CDKAL1: variants seen among roughly 807,000 people sequenced by gnomAD.
CDKAL1 encodes the protein CDKAL1 threonylcarbamoyladenosine tRNA methylthiotransferase.
A neutral mutation model predicts 68.2 loss-of-function variants in CDKAL1; 32 were observed. The ratio of observed to expected loss-of-function variants is 0.47; its 90% confidence interval spans 0.35 to 0.63. The LOEUF (loss-of-function observed/expected upper bound fraction) is 0.63, where lower values mean the gene tolerates loss of function less well. Among genes scored for constraint, CDKAL1 ranks in the 30% least tolerant of loss-of-function variants. CDKAL1 has a pLI of 0.00. For missense variants in CDKAL1, 606 were observed against 696.7 expected (o/e 0.87, Z 1.47); for synonymous variants, 234 against 244.3 (o/e 0.96, Z 0.39).
chr6:20,807,863 A>G (rs561911464), intron 8 of CDKAL1, among the ~76,000 whole-genome samples: 1 of 152,350 alleles, frequency 6.6e-6, no homozygotes, highest in South Asian at 2.1e-4. Flanking sequence ...TTGGACTTCA[A>G]TAAAGAGCAA....
chr6:20,735,570 G>T (rs545663308), intron 5 of CDKAL1, among the ~76,000 whole-genome samples: 5 of 152,326 alleles, frequency 3.3e-5, no homozygotes, highest in Admixed American at 6.5e-5. Flanking sequence ...TTCAAGATGA[G>T]ATTTGGGTGG....
At chr6:20,636,312 T>C (rs58042317) in intron 4 of CDKAL1, among the ~76,000 whole-genome samples, 2,540 of 152,258 alleles carry the variant, frequency 0.017, 50 homozygotes, top group African/African-American at 0.055. Context: ...CCATTCCCTG[T>C]TTGGAGTCTT....
intron 6 of CDKAL1, among the ~76,000 whole-genome samples, chr6:20,754,464 T>A (rs1774081190): frequency 6.6e-6 from 1 of 152,236 alleles, no homozygotes; most frequent in African/African-American, 2.4e-5. Flanking sequence ...ATATTTTCAT[T>A]TTCTCATACT....
At chr6:20,689,060 T>C (rs771746360) in intron 5 of CDKAL1, among the ~76,000 whole-genome samples, 6 of 152,338 alleles carry the variant, frequency 3.9e-5, no homozygotes, top group Middle Eastern at 3.4e-3. Flanking sequence ...TCATTTAGGC[T>C]CTGGTGACAC....
chr6:20,789,640 A>C (rs541373157), intron 8 of CDKAL1, among the ~76,000 whole-genome samples: 22 of 152,354 alleles, frequency 1.4e-4, no homozygotes, highest in Admixed American at 1.3e-3. Flanking sequence ...CATCTTGCTT[A>C]TCCGATTTCT....
At chr6:20,741,101 A>G (rs1460270450) in intron 6 of CDKAL1, among the ~76,000 whole-genome samples, 2 of 152,062 alleles carry the variant, frequency 1.3e-5, no homozygotes, top group Admixed American at 6.6e-5. Flanking sequence ...TTAAAATGCC[A>G]TTGTGTGCCG....
intron 12 of CDKAL1, among the ~76,000 whole-genome samples, chr6:21,099,906 G>A (rs1485862245): frequency 6.6e-6 from 1 of 152,230 alleles, no homozygotes; most frequent in Non-Finnish European, 1.5e-5. Flanking sequence ...TTATGTGCTA[G>A]CCTTGCCTTT....
chr6:20,928,144 G>A (rs114292228), intron 9 of CDKAL1, among the ~76,000 whole-genome samples: 1,668 of 152,232 alleles, frequency 0.011, 24 homozygotes, highest in African/African-American at 0.037. Flanking sequence ...CCAATCAATA[G>A]TAACCATCCT....
chr6:21,069,159 T>G (rs187775645), intron 12 of CDKAL1, among the ~76,000 whole-genome samples: 230 of 152,334 alleles, frequency 1.5e-3, no homozygotes, highest in Non-Finnish European at 2.6e-3. Context: ...TGACTTTTAT[T>G]TCCTTTTCTT....
chr6:21,021,336 A>C (rs781489359), intron 11 of CDKAL1, among the ~76,000 whole-genome samples: 2 of 152,180 alleles, frequency 1.3e-5, no homozygotes, highest in Non-Finnish European at 2.9e-5. Context: ...TCCTTAAATG[A>C]TTGCTGCTAC....
intron 11 of CDKAL1, among the ~76,000 whole-genome samples, chr6:21,051,414 T>C (rs138872525): frequency 1.3e-5 from 2 of 152,172 alleles, no homozygotes; most frequent in African/African-American, 4.8e-5. Context: ...CGTGAACTTA[T>C]GATCAGCCAG....
At chr6:20,758,139 T>C (rs1318924871) in intron 6 of CDKAL1, among the ~76,000 whole-genome samples, 1 of 152,212 alleles carries the variant, frequency 6.6e-6, no homozygotes, top group African/African-American at 2.4e-5. Flanking sequence ...TGGTAGAAAT[T>C]CATCAAAAGG....
At chr6:20,636,361 T>G (rs1437995429) in intron 4 of CDKAL1, among the ~76,000 whole-genome samples, 1 of 152,104 alleles carries the variant, frequency 6.6e-6, no homozygotes, top group African/African-American at 2.4e-5. Flanking sequence ...TCTCTGTTAA[T>G]TTGTATCTGT....
chr6:20,959,530 A>G (rs1764947832), intron 10 of CDKAL1, among the ~76,000 whole-genome samples: 1 of 151,708 alleles, frequency 6.6e-6, no homozygotes, highest in South Asian at 2.1e-4. Context: ...TAGTGCCCTA[A>G]TGATATCTCC....
At chr6:20,665,453 A>T (rs1185014918) in intron 5 of CDKAL1, among the ~76,000 whole-genome samples, 2 of 152,166 alleles carry the variant, frequency 1.3e-5, no homozygotes, top group African/African-American at 4.8e-5. Context: ...AGAGTAATGA[A>T]TGCAGTCTGA....
chr6:20,534,845 C>T (rs1212381268), intron 1 of CDKAL1, among the ~76,000 whole-genome samples: 1 of 152,170 alleles, frequency 6.6e-6, no homozygotes, highest in Non-Finnish European at 1.5e-5. Context: ...CATTTGTTCT[C>T]CCACTTTATA....
intron 5 of CDKAL1, among the ~76,000 whole-genome samples, chr6:20,674,066 A>G (rs1177158786): frequency 3.3e-5 from 5 of 152,106 alleles, no homozygotes; most frequent in Admixed American, 6.5e-5. Context: ...TATAAAGGCT[A>G]TTATTCCTAT....
intron 15 of CDKAL1, among the ~76,000 whole-genome samples, chr6:21,204,367 T>C (rs1385762460): frequency 6.6e-6 from 1 of 152,216 alleles, no homozygotes; most frequent in Non-Finnish European, 1.5e-5. Flanking sequence ...CAACCCTGAT[T>C]ATTTTGAAGA....
chr6:20,571,117 G>A lies in CDKAL1; in HGVS notation c.286+22412G>A, dbSNP rs113062153. On this transcript the variant is annotated intron_variant, in intron 4 of 15. Coordinates refer to ENST00000274695, the MANE Select transcript of CDKAL1 (RefSeq NM_017774.3). ...AAAAAGAGAATTATATTGATGTTACGAAGTAAGTACTATAGGTGAAAGAGA... is the reference window on the plus strand; with the variant it reads ...AAAAAGAGAATTATATTGATGTTACAAAGTAAGTACTATAGGTGAAAGAGA... Among the ~76,000 whole-genome samples the A allele has an allele frequency of 4.2e-3, 639 of 152,216 alleles. 7 individuals carry two copies. Among genetic ancestry groups the A allele is most frequent in the African/African-American group, 0.015 (603 of 41,532 alleles).
Sources: allele counts gnomAD v4.1 joint callset (sites outside exome capture counted in the v4.1 genomes callset), GRCh38; gene constraint gnomAD v4.1.1; transcripts MANE v1.5; gene names NCBI Gene and HGNC (gene_info 2026-07-23, HGNC 2026-07-21).